TENM1: variants seen among roughly 807,000 people sequenced by gnomAD.
The protein encoded by TENM1 is teneurin transmembrane protein 1, also known as teneurin-1.
A neutral mutation model predicts 174.8 loss-of-function variants in TENM1; 35 were observed. The observed-to-expected ratio is 0.20, with a 90% CI of 0.15 to 0.27. The LOEUF is 0.27. Among genes scored for constraint, TENM1 ranks in the 10% least tolerant of loss-of-function variants. The pLI is 1.00. For missense variants in TENM1, 1,633 were observed against 2,130.1 expected, an observed-to-expected ratio of 0.77 and a Z score of 4.59; for synonymous variants, 781 against 798.7, an observed-to-expected ratio of 0.98 and a Z score of 0.37.
At chrX:124,545,088 C>A (rs1255118084) in intron 15 of TENM1, among the ~76,000 whole-genome samples, 1 of 111,904 alleles carries the variant, frequency 8.9e-6, no homozygotes, top group Non-Finnish European at 1.9e-5. Flanking sequence ...TTGTCCTCAG[C>A]TACTTTCCTC....
the TENM1 span, among the ~76,000 whole-genome samples, chrX:124,994,984 C>T: frequency 9.0e-6 from 1 of 110,939 alleles, no homozygotes; most frequent in Non-Finnish European, 1.9e-5. Context: ...CTGTTGATGC[C>T]TGCAGCCTCA....
chrX:124,914,266 C>A (rs2057885603), intron 1 of TENM1, among the ~76,000 whole-genome samples: 1 of 111,416 alleles, frequency 9.0e-6, no homozygotes. Context: ...GTAATGGAAA[C>A]AACATATATC....
chrX:124,522,583 G>T (rs181747218), intron 17 of TENM1, among the ~76,000 whole-genome samples: 218 of 110,393 alleles, frequency 2.0e-3, no homozygotes, highest in Non-Finnish European at 2.4e-3. Flanking sequence ...AACTGCACAG[G>T]CTTGAAAACT....
At position 124,496,995 on chromosome X, in the gene TENM1, T is replaced by C. The variant is rs759588167; in HGVS notation, c.3695+21A>G. On this transcript the variant is annotated intron_variant, in intron 20 of 31. Transcript: ENST00000422452. The stretch of plus-strand genomic sequence containing the variant: ...TTGCTTTATCTGCTAAGCAAATATA[T>C]AGAGATTAGAGAAGACTTACCTTAA... 7 of 1,200,210 alleles carry C rather than the reference T, an allele frequency of 5.8e-6. No individual in the cohort carries two copies. In the South Asian group the frequency reaches 1.1e-4, roughly 18 times the overall value.
the TENM1 span, among the ~76,000 whole-genome samples, chrX:125,091,710 G>C: frequency 9.0e-6 from 1 of 110,861 alleles, no homozygotes; most frequent in African/African-American, 3.3e-5. Flanking sequence ...AGGAGAGGCC[G>C]GGCATGGTGG....
the TENM1 span, among the ~76,000 whole-genome samples, chrX:125,103,415 G>A: frequency 1.8e-5 from 2 of 111,342 alleles, no homozygotes; most frequent in East Asian, 5.7e-4. Context: ...ATAATAATCA[G>A]GTGCCTTGGT....
At chrX:124,704,141 G>A (rs1307301447) in intron 5 of TENM1, among the ~76,000 whole-genome samples, 1 of 112,154 alleles carries the variant, frequency 8.9e-6, no homozygotes, top group East Asian at 2.8e-4. Flanking sequence ...CATATTCATT[G>A]TCTCTTAGTG....
At chrX:124,839,563 A>T (rs2056457217) in intron 3 of TENM1, among the ~76,000 whole-genome samples, 1 of 111,601 alleles carries the variant, frequency 9.0e-6, no homozygotes. Context: ...AAGAAAATGG[A>T]ATACTCAGTG....
chrX:124,975,158 G>A, the TENM1 span, among the ~76,000 whole-genome samples: 1 of 109,167 alleles, frequency 9.2e-6, no homozygotes, highest in African/African-American at 3.3e-5. Context: ...ACCTTCTAAA[G>A]TAATTTCAAA....
intron 3 of TENM1, among the ~76,000 whole-genome samples, chrX:124,859,110 G>C (rs1374594187): frequency 1.8e-5 from 2 of 111,276 alleles, no homozygotes; most frequent in South Asian, 3.8e-4. Context: ...CCTTTGGCTA[G>C]AGGTACCTGG....
intron 3 of TENM1, among the ~76,000 whole-genome samples, chrX:124,849,374 G>T (rs1242707853): frequency 9.1e-6 from 1 of 110,374 alleles, no homozygotes; most frequent in African/African-American, 3.3e-5. Flanking sequence ...ATACATATAG[G>T]ACTCATTTTA....
At chrX:124,521,276 C>A (rs1391012233) in intron 17 of TENM1, among the ~76,000 whole-genome samples, 2 of 111,902 alleles carry the variant, frequency 1.8e-5, no homozygotes, top group Non-Finnish European at 3.8e-5. Flanking sequence ...AAGAAGCAGG[C>A]CCAGCAAGTG....
At chrX:124,404,404 G>A (rs1162538688) in intron 27 of TENM1, among the ~76,000 whole-genome samples, 1 of 111,507 alleles carries the variant, frequency 9.0e-6, no homozygotes, top group Non-Finnish European at 1.9e-5. Context: ...AGGTCTCCTG[G>A]TTAACTCTGG....
the TENM1 span, among the ~76,000 whole-genome samples, chrX:125,003,500 T>C: frequency 8.9e-6 from 1 of 111,781 alleles, no homozygotes; most frequent in Admixed American, 9.5e-5. Flanking sequence ...CTGAAGAAGC[T>C]TGATTAAGAA....
At chrX:125,141,825 A>G in the TENM1 span, among the ~76,000 whole-genome samples, 2 of 111,181 alleles carry the variant, frequency 1.8e-5, no homozygotes, top group African/African-American at 6.6e-5. Flanking sequence ...TCCCTTCACT[A>G]TATTTCTGGA....
chrX:124,969,100 T>A, the TENM1 span, among the ~76,000 whole-genome samples: 1 of 111,718 alleles, frequency 9.0e-6, no homozygotes, highest in South Asian at 3.7e-4. Context: ...AACTGTCAAC[T>A]TACAGAAAAA....
the TENM1 span, among the ~76,000 whole-genome samples, chrX:125,022,849 A>C: frequency 8.9e-6 from 1 of 111,976 alleles, no homozygotes; most frequent in African/African-American, 3.2e-5. Context: ...ATACAACTTT[A>C]GTTCATAACC....
intron 22 of TENM1, among the ~76,000 whole-genome samples, chrX:124,476,649 C>T (rs760176490): frequency 2.7e-5 from 3 of 111,811 alleles, no homozygotes; most frequent in Admixed American, 9.5e-5. Context: ...CTTCACCTTC[C>T]GTATCTACTT....
intron 18 of TENM1, 132 bp downstream of exon 21, chrX:124,520,385 A>T: frequency 1.5e-6 from 1 of 670,529 alleles, no homozygotes; most frequent in Non-Finnish European, 2.2e-6. Context: ...GGTAGTGTTT[A>T]AATTAAAAAT....
Sources: gnomAD v4.1 joint callset for allele counts (sites outside exome capture counted in the v4.1 genomes callset) on GRCh38, gnomAD v4.1.1 for gene constraint, MANE v1.5 for transcripts, NCBI Gene and HGNC (gene_info 2026-07-23, HGNC 2026-07-21) for gene names.